The following KIF3C variants were observed in gnomAD, a reference collection of about 807,000 sequenced individuals.
The protein encoded by KIF3C is kinesin-like protein KIF3C.
A neutral mutation model predicts 67.7 loss-of-function variants in KIF3C; 12 were observed. The observed-to-expected ratio is 0.18, with a 90% CI of 0.11 to 0.29. KIF3C has a LOEUF of 0.29. Ranked by LOEUF, KIF3C falls within the 10% of genes least tolerant of loss-of-function variation. The probability of loss-of-function intolerance (pLI) is 1.00; values close to 1 mark genes in which losing one functional copy is unlikely to be tolerated. For synonymous variants in KIF3C, 393 were observed against 426.2 expected, an observed-to-expected ratio of 0.92 and a Z score of 0.96; for missense variants, 789 against 1,059.6, an observed-to-expected ratio of 0.74 and a Z score of 3.55.
intron 1 of KIF3C, among the ~76,000 whole-genome samples, chr2:25,977,000 G>C (rs2149244337): frequency 6.6e-6 from 1 of 152,186 alleles, no homozygotes; most frequent in South Asian, 2.1e-4. Context: ...GGCCTAGTAT[G>C]TTATCAAGCT....
At chr2:25,940,330 G>A (rs1319323617) in intron 5 of KIF3C, among the ~76,000 whole-genome samples, 2 of 152,066 alleles carry the variant, frequency 1.3e-5, no homozygotes, top group East Asian at 1.9e-4. Flanking sequence ...TAGCAGTTTG[G>A]GAGGCTGAGG....
chr2:25,975,874 C>T (rs897860189), intron 1 of KIF3C, among the ~76,000 whole-genome samples: 59 of 151,862 alleles, frequency 3.9e-4, no homozygotes, highest in East Asian at 1.9e-4. Flanking sequence ...AGTAGAATGG[C>T]GTGAACTCAG....
At chr2:25,976,366 C>T (rs764452852) in intron 1 of KIF3C, among the ~76,000 whole-genome samples, 1 of 152,174 alleles carries the variant, frequency 6.6e-6, no homozygotes, top group Non-Finnish European at 1.5e-5. Flanking sequence ...TTTCTGTCTT[C>T]AATTCGTGCC....
At chr2:25,978,572 C>T (rs921622451) in intron 1 of KIF3C, among the ~76,000 whole-genome samples, 2 of 152,072 alleles carry the variant, frequency 1.3e-5, no homozygotes, top group Non-Finnish European at 2.9e-5. Context: ...TGGTGCTGGC[C>T]GCCCTGATCT....
Position 25,929,406 on chromosome 2 carries a change from G to A in KIF3C, c.2187C>T (p.Asp729=), listed in dbSNP as rs1180297359. Residue 729 remains aspartate, a synonymous_variant, in exon 7 of 8, where the codon GAC becomes GAT. Transcript: ENST00000264712. The part of the protein sequence containing the change: ...PAVFEMEFSH[D]QEQDPRALHM... ...GTAGCGCACGAGGGTCTTGTTCTTGGTCGTGAGAGAATTCCATCTCAAAGA... is the reference window on the plus strand; with the variant it reads ...GTAGCGCACGAGGGTCTTGTTCTTGATCGTGAGAGAATTCCATCTCAAAGA... 1.2e-6 allele frequency: 2 copies of A among 1,614,078 alleles called. No individual in the cohort carries two copies. The highest frequency in any genetic ancestry group is 8.5e-7 in the Non-Finnish European group (1 of 1,179,970).
intron 5 of KIF3C, among the ~76,000 whole-genome samples, chr2:25,949,127 T>C (rs58370197): frequency 0.19 from 29,610 of 152,146 alleles, 3,385 homozygotes; most frequent in African/African-American, 0.32. Flanking sequence ...TGTTCTCATT[T>C]TTCGGAAGTA....
At chr2:25,930,197 C>T in intron 5 of KIF3C, 134 bp from the exon 6 acceptor site, 1 of 672,230 alleles carries the variant, frequency 1.5e-6, no homozygotes, top group Admixed American at 2.5e-5. Context: ...CTTCTCCTTG[C>T]TCTAATACAG....
At chr2:25,966,648 G>C (rs528884187) in intron 1 of KIF3C, among the ~76,000 whole-genome samples, 1 of 152,298 alleles carries the variant, frequency 6.6e-6, no homozygotes, top group South Asian at 2.1e-4. Context: ...ATAAAGCACT[G>C]ACGTGGAAAG....
chr2:25,955,510 C>T lies in KIF3C; in HGVS notation c.1770+31G>A. Reference sequence around the variant, plus strand: ...GGCAGAGACTGCTGGGCCTCCAGCACACCTTAACCGGTCCTGCTGCAGCGT... The same window carrying T: ...GGCAGAGACTGCTGGGCCTCCAGCATACCTTAACCGGTCCTGCTGCAGCGT... On this transcript the variant is annotated intron_variant, in intron 3 of 7. Transcript: ENST00000264712. The surrounding 1 kb of genome is among the most constrained non-coding windows in gnomAD (Gnocchi z 5.0). The T allele has an allele frequency of 6.2e-7, 1 of 1,612,066 alleles. No individual in the cohort carries two copies. The highest frequency in any genetic ancestry group is 1.1e-5 in the South Asian group (1 of 90,850).
At chr2:25,962,075 A>T (rs1382214523) in intron 1 of KIF3C, among the ~76,000 whole-genome samples, 4 of 152,226 alleles carry the variant, frequency 2.6e-5, no homozygotes, top group Non-Finnish European at 5.9e-5. Flanking sequence ...ATCCTGGCAC[A>T]TAGAGTAAGA....
At position 25,955,600 on chromosome 2, in the gene KIF3C, G is replaced by A. The variant is rs1283685560; in HGVS notation, c.1711C>T (p.Arg571Trp). Residue 571 changes from arginine to tryptophan, a missense_variant, in exon 3 of 8, where the codon CGG becomes TGG. Physicochemically the swap from Arg to Trp is moderately radical, Grantham distance 101. Coordinates refer to ENST00000264712, the MANE Select transcript of KIF3C (RefSeq NM_002254.8). The surrounding 1 kb of genome is among the most constrained non-coding windows in gnomAD (Gnocchi z 5.0). The part of the protein sequence containing the change: ...MLRDEETMEL[R>W]GTYTSLQQEV... ...TGCTGCAGGGATGTGTAGGTGCCCC[G>A]GAGCTCCATAGTCTCCTCGTCCCGG... The A allele has an allele frequency of 4.3e-6, 7 of 1,613,934 alleles. No homozygotes were observed. Among genetic ancestry groups the A allele is most frequent in the African/African-American group, 1.3e-5 (1 of 74,906 alleles).
rs1033586194 is a variant in KIF3C, at chr2:25,958,539, C to T, written c.1546-2095G>A. ...GAGGCTGCAGTGAGCCGAGATCACG[C>T]CACTGCACTCCAGCCTGGGTGCCAG... On this transcript the variant is annotated intron_variant, in intron 1 of 7. Transcript: ENST00000264712. The surrounding 1 kb of genome is among the most constrained non-coding windows in gnomAD (Gnocchi z 4.5). 3.9e-5 allele frequency among the ~76,000 whole-genome samples: 6 copies of T among 151,960 alleles called. No homozygotes were observed. In the East Asian group the frequency reaches 1.2e-3, roughly 30 times the overall value.
intron 5 of KIF3C, chr2:25,951,375 T>C: frequency 5.7e-6 from 1 of 174,022 alleles, no homozygotes; most frequent in Non-Finnish European, 1.2e-5. Flanking sequence ...TAATTTATCT[T>C]CTGTCTCCTG....
chr2:25,938,424 TG>T, intron 5 of KIF3C: 1 of 365,494 alleles, frequency 2.7e-6, no homozygotes, highest in South Asian at 2.1e-5. Context: ...TGCCACAGGG[TG>T]GGGGTTCCCC....
chr2:25,941,405 C>G (rs1234684005), intron 5 of KIF3C, among the ~76,000 whole-genome samples: 1 of 152,062 alleles, frequency 6.6e-6, no homozygotes, highest in Admixed American at 6.6e-5. Context: ...CCATAAACCA[C>G]AGGGTATGGA....
chr2:25,943,825 AT>A (rs532559609), intron 5 of KIF3C, among the ~76,000 whole-genome samples: 79 of 152,170 alleles, frequency 5.2e-4, no homozygotes, highest in Middle Eastern at 3.4e-3. Context: ...AGATTGCGCA[AT>A]TGCACTTTAG....
chr2:25,931,771 G>A (rs1337068722), intron 5 of KIF3C, among the ~76,000 whole-genome samples: 1 of 151,934 alleles, frequency 6.6e-6, no homozygotes, highest in Non-Finnish European at 1.5e-5. Context: ...CTGAGCAGCT[G>A]AGATTACAGG....
At chr2:25,959,717 G>A (rs2149236191) in intron 1 of KIF3C, among the ~76,000 whole-genome samples, 1 of 152,256 alleles carries the variant, frequency 6.6e-6, no homozygotes, top group East Asian at 1.9e-4. Flanking sequence ...TGGGATTACA[G>A]GTGTGAGCCA....
At chr2:25,933,776 A>G (rs1240155126) in intron 5 of KIF3C, among the ~76,000 whole-genome samples, 2 of 152,162 alleles carry the variant, frequency 1.3e-5, no homozygotes, top group African/African-American at 4.8e-5. Flanking sequence ...GGATGTAGAG[A>G]AAATGAAACC....
Sources: allele counts gnomAD v4.1 joint callset (sites outside exome capture counted in the v4.1 genomes callset), GRCh38; gene constraint gnomAD v4.1.1; non-coding constraint Gnocchi (gnomAD v3.1); transcripts MANE v1.5; gene names NCBI Gene and HGNC (gene_info 2026-07-23, HGNC 2026-07-21).